R3HDM1: variants seen among roughly 807,000 people sequenced by gnomAD.
R3HDM1 encodes the protein R3H domain-containing protein 1.
Under a neutral mutation model 141.1 loss-of-function variants are expected in R3HDM1, and 46 were observed. The ratio of observed to expected loss-of-function variants is 0.33; its 90% confidence interval spans 0.26 to 0.42. The LOEUF (loss-of-function observed/expected upper bound fraction) is 0.42. R3HDM1 is among the 10% of genes least tolerant of loss of function. R3HDM1 has a pLI of 1.00. For synonymous variants in R3HDM1, 435 were observed against 472.9 expected (o/e 0.92, Z 1.04); for missense variants, 1,184 against 1,368.3 (o/e 0.87, Z 2.12).
At position 135,675,494 on chromosome 2, in the gene R3HDM1, G is replaced by T. The variant is rs775504033; in HGVS notation, c.2307+8G>T. On this transcript the variant is annotated splice_region_variant and intron_variant, in intron 20 of 26. Transcript: ENST00000683871. ...TCAGTGCCAACATATCAGGTATATT[G>T]TCTCTTTTATGTACTTTGGGTAGAG... 1.4e-5 allele frequency: 23 copies of T among 1,607,774 alleles called. No individual in the cohort carries two copies. Among genetic ancestry groups the T allele is most frequent in the East Asian group, 2.2e-5 (1 of 44,810 alleles).
At chr2:135,696,004 G>A (rs936535433) in intron 21 of R3HDM1, among the ~76,000 whole-genome samples, 2 of 152,118 alleles carry the variant, frequency 1.3e-5, no homozygotes, top group African/African-American at 4.8e-5. Flanking sequence ...CAACCACCTG[G>A]GGAAACAGTT....
intron 19 of R3HDM1, among the ~76,000 whole-genome samples, chr2:135,672,138 G>A (rs1027996387): frequency 1.3e-5 from 2 of 152,148 alleles, no homozygotes; most frequent in South Asian, 2.1e-4. Flanking sequence ...TAAGTGCTTG[G>A]CATCATTATT....
intron 18 of R3HDM1, among the ~76,000 whole-genome samples, chr2:135,657,716 T>TA (rs1167050587): frequency 2.0e-5 from 3 of 152,206 alleles, no homozygotes; most frequent in Admixed American, 2.0e-4. Flanking sequence ...ATGACACTGT[T>TA]AAAGTTAACT....
chr2:135,611,341 T>C (rs947064450), intron 3 of R3HDM1, among the ~76,000 whole-genome samples: 4 of 151,926 alleles, frequency 2.6e-5, no homozygotes, highest in Admixed American at 6.6e-5. Flanking sequence ...GTCAAGGCTA[T>C]AGTGAGCTGT....
intron 1 of R3HDM1, chr2:135,583,623 T>A (rs1444401541): frequency 4.8e-5 from 25 of 519,774 alleles, no homozygotes; most frequent in Non-Finnish European, 5.9e-5. Flanking sequence ...CTTCAAGAGA[T>A]GTGTTAAATT....
At chr2:135,593,187 T>C (rs1559190849) in intron 1 of R3HDM1, among the ~76,000 whole-genome samples, 1 of 152,104 alleles carries the variant, frequency 6.6e-6, no homozygotes, top group Non-Finnish European at 1.5e-5. Context: ...CCCAAAGTGC[T>C]GGGATTACAG....
chr2:135,602,769 G>C, intron 2 of R3HDM1, 61 bp downstream of exon 2: 4 of 1,348,182 alleles, frequency 3.0e-6, no homozygotes, highest in Non-Finnish European at 3.9e-6. Flanking sequence ...CCTATAAAAA[G>C]CAAGAAGCCA....
chr2:135,556,611 C>T (rs914236421), intron 1 of R3HDM1, among the ~76,000 whole-genome samples: 10 of 151,860 alleles, frequency 6.6e-5, no homozygotes, highest in Admixed American at 3.9e-4. Flanking sequence ...CCCTGACTCC[C>T]GGGTTCACGC....
In R3HDM1 at chr2:135,671,809, A is replaced by T. The variant is rs568012770; in HGVS notation, c.2153-3523A>T. On this transcript the variant is annotated intron_variant, in intron 19 of 26. Coordinates refer to ENST00000683871, the MANE Select transcript of R3HDM1 (RefSeq NM_001378107.1). The stretch of plus-strand genomic sequence containing the variant: ...TGGCCAACATGGTGAAACCCTGTCT[A>T]TACTAAAAATACAAAAATTAGCCAG... 3.9e-5 allele frequency among the ~76,000 whole-genome samples: 6 copies of T among 151,958 alleles called. No individual in the cohort carries two copies. In the East Asian group the frequency reaches 1.2e-3, roughly 30 times the overall value.
intron 5 of R3HDM1, among the ~76,000 whole-genome samples, chr2:135,619,050 T>G (rs1417431541): frequency 6.6e-6 from 1 of 151,872 alleles, no homozygotes; most frequent in East Asian, 1.9e-4. Context: ...AGTTATTTTG[T>G]ACAAGTCAGA....
chr2:135,622,242 C>CT, intron 6 of R3HDM1: 1 of 983,202 alleles, frequency 1.0e-6, no homozygotes, highest in Non-Finnish European at 1.2e-6. Flanking sequence ...AAATTATTGC[C>CT]TCCATTATAT....
intron 15 of R3HDM1, among the ~76,000 whole-genome samples, chr2:135,643,447 T>C (rs2064024738): frequency 6.6e-6 from 1 of 152,112 alleles, no homozygotes; most frequent in African/African-American, 2.4e-5. Context: ...GGATTTACTA[T>C]GGAAGAACAG....
chr2:135,559,388 A>C (rs1045753022), intron 1 of R3HDM1, among the ~76,000 whole-genome samples: 1 of 152,124 alleles, frequency 6.6e-6, no homozygotes, highest in African/African-American at 2.4e-5. Context: ...AAGTGCTGGG[A>C]TTACAGGCAT....
chr2:135,681,186 A>G (rs933372843), intron 21 of R3HDM1, among the ~76,000 whole-genome samples: 2 of 152,148 alleles, frequency 1.3e-5, no homozygotes, highest in Non-Finnish European at 2.9e-5. Context: ...CATTGTTCAG[A>G]ATGTATTACC....
At position 135,651,863 on chromosome 2, in the gene R3HDM1, T is replaced by C. The variant is rs1187758046; in HGVS notation, c.1859T>C (p.Met620Thr). 2 of 1,614,088 alleles carry C rather than the reference T, an allele frequency of 1.2e-6. No individual in the cohort carries two copies. The highest frequency in any genetic ancestry group is 8.5e-7 in the Non-Finnish European group (1 of 1,179,990). The change falls in exon 18 of 27, where the codon ATG (methionine) becomes ACG (threonine). Residue 620 changes from methionine (M) to threonine (T), a missense_variant. By Grantham distance (81) the Met-to-Thr change is moderately conservative. Transcript: ENST00000683871. ...LQSPQQSGYI[M>T]TAAPPPHPPP... Reference sequence around the variant, plus strand: ...TCTCCACAGCAGTCTGGTTATATCATGACAGCAGCCCCTCCACCACATCCT... The same window carrying C: ...TCTCCACAGCAGTCTGGTTATATCACGACAGCAGCCCCTCCACCACATCCT...
At chr2:135,573,660 TAAGAA>T (rs925793497) in intron 1 of R3HDM1, among the ~76,000 whole-genome samples, 6 of 151,576 alleles carry the variant, frequency 4.0e-5, no homozygotes. Context: ...AGAAGGTACA[TAAGAA>T]GAGGAGAAGC....
chr2:135,666,289 C>T (rs1018334458), intron 19 of R3HDM1, among the ~76,000 whole-genome samples: 8 of 152,112 alleles, frequency 5.3e-5, no homozygotes, highest in African/African-American at 1.9e-4. Flanking sequence ...ATAGGAGAGT[C>T]GGCTATGTCA....
At chr2:135,664,187 T>C (rs1310566784) in intron 19 of R3HDM1, among the ~76,000 whole-genome samples, 1 of 152,180 alleles carries the variant, frequency 6.6e-6, no homozygotes, top group Non-Finnish European at 1.5e-5. Context: ...ATAATTTACA[T>C]TTTTATATGG....
chr2:135,722,360 C>A, intron 25 of R3HDM1, 109 bp from the exon 26 acceptor site: 1 of 1,133,376 alleles, frequency 8.8e-7, no homozygotes, highest in Non-Finnish European at 1.3e-6. Flanking sequence ...TTTCTTCTGC[C>A]AGAGTGCAAA....
Sources: allele counts gnomAD v4.1 joint callset (sites outside exome capture counted in the v4.1 genomes callset), GRCh38; gene constraint gnomAD v4.1.1; transcripts MANE v1.5; gene names NCBI Gene and HGNC (gene_info 2026-07-23, HGNC 2026-07-21).